Variants in RASGRP3 observed in about 807,000 individuals in gnomAD.
RASGRP3 encodes the protein ras guanyl-releasing protein 3.
Under a neutral mutation model 82.7 loss-of-function variants are expected in RASGRP3, and 54 were observed. That is an observed-to-expected ratio of 0.65 (90% confidence interval 0.52 to 0.82). The LOEUF is 0.82. Ranked by LOEUF, RASGRP3 falls within the 40% of genes least tolerant of loss-of-function variation. RASGRP3 has a pLI of 0.00. For synonymous variants in RASGRP3, 309 were observed against 300.5 expected (o/e 1.03, Z -0.29); for missense variants, 861 against 828.9 (o/e 1.04, Z -0.48).
rs1215587000 is a variant in RASGRP3 at position 33,540,554 on chromosome 2, TTTTGTGTGTGTG to T, written c.1278+1346_1278+1357del. 6.7e-3 allele frequency among the ~76,000 whole-genome samples: 175 copies of T among 26,184 alleles called. 6 individuals are homozygous for T. Among genetic ancestry groups the T allele is most frequent in the African/African-American group, 0.012 (150 of 12,636 alleles). The allele number at this position is 26,184 out of a possible 152,430, so 17.2% of individuals were successfully genotyped here. A position where few individuals can be genotyped will look rare whatever the true frequency, so the allele number is the denominator to read the frequency against. On this transcript the variant is annotated intron_variant, in intron 12 of 17. Coordinates refer to ENST00000403687, the MANE Select transcript of RASGRP3 (RefSeq NM_001139488.2). ...CTCTCTCTCTCTCTCTGTGTGTGTG[TTTTGTGTGTGTG>T]TGTGTGTGTGTGTGTGTGTGTGTGT...
chr2:33,521,923 A>G, intron 6 of RASGRP3, 32 bp from the exon 7 acceptor site: 1 of 1,586,432 alleles, frequency 6.3e-7, no homozygotes, highest in Non-Finnish European at 8.5e-7. Flanking sequence ...TGGGCTTTCA[A>G]CACATTGACC....
rs1362153772 is a variant in RASGRP3 at position 33,564,610 on chromosome 2, A to T, written c.*1873A>T. 1.3e-5 allele frequency: 2 copies of T among 152,238 alleles called. No homozygotes were observed. The highest frequency in any genetic ancestry group is 2.1e-4 in the South Asian group (1 of 4,836). 9.4% of individuals were successfully genotyped at this position (152,238 alleles called of 1,614,324 possible). Reference sequence around the variant, plus strand: ...TGTTCTTTTGCTTCTCAAAGGAATTATTCACTTGCCACTTTGGTTATTTTT... The same window carrying T: ...TGTTCTTTTGCTTCTCAAAGGAATTTTTCACTTGCCACTTTGGTTATTTTT... On this transcript the variant is annotated 3_prime_UTR_variant, in exon 18 of 18. Coordinates refer to ENST00000403687, the MANE Select transcript of RASGRP3 (RefSeq NM_001139488.2).
At chr2:33,520,517 A>C in intron 5 of RASGRP3, 36 bp from the exon 6 acceptor site, 1 of 1,610,968 alleles carries the variant, frequency 6.2e-7, no homozygotes, top group East Asian at 2.2e-5. Context: ...CCAACTTGCA[A>C]TCTTCCAGCT....
intron 1 of RASGRP3, among the ~76,000 whole-genome samples, chr2:33,493,679 C>T (rs1427654560): frequency 4.6e-5 from 7 of 151,978 alleles, no homozygotes; most frequent in Admixed American, 2.6e-4. Context: ...GCTTGAGATG[C>T]CCGGCACCCA....
chr2:33,496,879 A>G (rs1669372692), intron 1 of RASGRP3, among the ~76,000 whole-genome samples: 1 of 152,088 alleles, frequency 6.6e-6, no homozygotes, highest in Non-Finnish European at 1.5e-5. Flanking sequence ...AAACAAACCA[A>G]CAAAAAAAAC....
rs111838948 is a variant in RASGRP3 at position 33,526,105 on chromosome 2, G to A, written c.808-1032G>A. On this transcript the variant is annotated intron_variant, in intron 9 of 17. Coordinates refer to ENST00000403687, the MANE Select transcript of RASGRP3 (RefSeq NM_001139488.2). ...TTAAAGACCTTTTGAGCCAACTCAGGTCTTAGGTCCATCCCTGGACCAATA... is the reference window on the plus strand; with the variant it reads ...TTAAAGACCTTTTGAGCCAACTCAGATCTTAGGTCCATCCCTGGACCAATA... Among the ~76,000 whole-genome samples the A allele has an allele frequency of 4.1e-3, 623 of 152,300 alleles. 5 individuals are homozygous for A. Among genetic ancestry groups the A allele is most frequent in the African/African-American group, 0.014 (575 of 41,566 alleles).
At chr2:33,502,307 G>T (rs1443393436) in intron 1 of RASGRP3, among the ~76,000 whole-genome samples, 6 of 151,974 alleles carry the variant, frequency 3.9e-5, no homozygotes, top group African/African-American at 1.2e-4. Context: ...GAGGTGGGTG[G>T]GGGTTGGGGG....
rs1553366467 is a variant in RASGRP3, at chr2:33,556,928, C to CACACACACACACACACATACAT, written c.1580-1283_1580-1282insACACACACACACACACATACAT. 4.5e-4 allele frequency among the ~76,000 whole-genome samples: 67 copies of CACACACACACACACACATACAT among 148,416 alleles called. 1 individual carries two copies. Among genetic ancestry groups the CACACACACACACACACATACAT allele is most frequent in the African/African-American group, 1.4e-3 (57 of 39,754 alleles). On this transcript the variant is annotated intron_variant, in intron 15 of 17. Transcript: ENST00000403687. The stretch of plus-strand genomic sequence containing the variant: ...ACACACACACACACACACACACACA[C>CACACACACACACACACATACAT]GCAATTTTATAAAGATGAAAATCTA...
chr2:33,560,471 A>G (rs887890686), intron 17 of RASGRP3, among the ~76,000 whole-genome samples: 78 of 152,214 alleles, frequency 5.1e-4, no homozygotes, highest in African/African-American at 1.8e-3. Flanking sequence ...GGTGTTCATG[A>G]CAGTACTTTA....
At chr2:33,457,232 A>G (rs868173022) in intron 2 of RASGRP3, among the ~76,000 whole-genome samples, 6 of 152,112 alleles carry the variant, frequency 3.9e-5, no homozygotes, top group Non-Finnish European at 5.9e-5. Context: ...TAAATTTTTA[A>G]TTATAGACAT....
chr2:33,473,360 G>A (rs891045735), upstream of RASGRP3, among the ~76,000 whole-genome samples: 11 of 151,454 alleles, frequency 7.3e-5, no homozygotes, highest in Non-Finnish European at 1.6e-4. Flanking sequence ...TCCAGCCTGG[G>A]CAACACAGTG....
chr2:33,543,881 A>G (rs538669070), intron 13 of RASGRP3, among the ~76,000 whole-genome samples: 26 of 152,354 alleles, frequency 1.7e-4, no homozygotes, highest in African/African-American at 6.0e-4. Context: ...TCCATTTGCT[A>G]TATTGCTTCT....
intron 15 of RASGRP3, among the ~76,000 whole-genome samples, chr2:33,556,928 C>CACACACACACACACACACATACAT (rs1553366467): frequency 2.4e-4 from 35 of 148,416 alleles, no homozygotes; most frequent in African/African-American, 7.3e-4. Flanking sequence ...CACACACACA[C>CACACACACACACACACACATACAT]GCAATTTTAT....
intron 11 of RASGRP3, among the ~76,000 whole-genome samples, chr2:33,536,322 G>A (rs78346038): frequency 2.3e-3 from 292 of 127,338 alleles, no homozygotes; most frequent in Middle Eastern, 3.9e-3. Context: ...ATTTAAAAAA[G>A]AAAAAAAAAA....
chr2:33,467,447 A>G (rs538091045), intron 2 of RASGRP3, among the ~76,000 whole-genome samples: 1 of 152,350 alleles, frequency 6.6e-6, no homozygotes, highest in South Asian at 2.1e-4. Flanking sequence ...TTTTTAGACA[A>G]GTGTTGTAAG....
At chr2:33,441,580 C>T (rs899580453) in intron 1 of RASGRP3, among the ~76,000 whole-genome samples, 1 of 152,242 alleles carries the variant, frequency 6.6e-6, no homozygotes, top group Non-Finnish European at 1.5e-5. Context: ...TACACCCTTA[C>T]AGCTTGTTGG....
chr2:33,548,877 T>TG (rs1185331292), intron 13 of RASGRP3, among the ~76,000 whole-genome samples: 3 of 152,094 alleles, frequency 2.0e-5, no homozygotes, highest in Admixed American at 6.6e-5. Context: ...TTGGTAGAGA[T>TG]GGGGTCTCAC....
At chr2:33,534,084 A>G in intron 10 of RASGRP3, 1 of 519,258 alleles carries the variant, frequency 1.9e-6, no homozygotes, top group Non-Finnish European at 3.5e-6. Context: ...GGAGCTGCTC[A>G]GTAAATATTG....
chr2:33,511,077 A>C (rs1383442398), intron 1 of RASGRP3, among the ~76,000 whole-genome samples: 1 of 152,214 alleles, frequency 6.6e-6, no homozygotes, highest in East Asian at 1.9e-4. Flanking sequence ...TTGCCCTTTA[A>C]AAATAACACT....
Sources: gnomAD v4.1 joint callset for allele counts (sites outside exome capture counted in the v4.1 genomes callset) on GRCh38, gnomAD v4.1.1 for gene constraint, MANE v1.5 for transcripts, NCBI Gene and HGNC (gene_info 2026-07-23, HGNC 2026-07-21) for gene names.